The following FAM184B variants were observed in gnomAD, a reference collection of about 807,000 sequenced individuals.
FAM184B encodes protein FAM184B.
Under a neutral mutation model 135.9 loss-of-function variants are expected in FAM184B, and 111 were observed. The observed-to-expected ratio is 0.82, with a 90% CI of 0.70 to 0.96. FAM184B has a LOEUF of 0.96. Among genes scored for constraint, FAM184B ranks in the 40% least tolerant of loss-of-function variants. The probability of loss-of-function intolerance (pLI) is 0.00; values close to 1 mark genes in which losing one functional copy is unlikely to be tolerated. For synonymous variants in FAM184B, 552 were observed against 524.8 expected, an observed-to-expected ratio of 1.05 and a Z score of -0.71; for missense variants, 1,375 against 1,323.9, an observed-to-expected ratio of 1.04 and a Z score of -0.60.
rs117983584 is a variant in FAM184B, at chr4:17,779,855, A to C, written c.141+1304T>G. On this transcript the variant is annotated intron_variant, in intron 1 of 17. Coordinates refer to ENST00000265018, the MANE Select transcript of FAM184B (RefSeq NM_015688.2). Reference sequence around the variant, plus strand: ...AATCTTGTTTCTTTAAAACTATTTTAGATTCTTTGAAGATAGAGAAGATGC... The same window carrying C: ...AATCTTGTTTCTTTAAAACTATTTTCGATTCTTTGAAGATAGAGAAGATGC... Among the ~76,000 whole-genome samples, 183 of 152,368 alleles carry C rather than the reference A, an allele frequency of 1.2e-3. 7 individuals are homozygous for C. In the East Asian group the frequency reaches 0.03, roughly 25 times the overall value.
intron 1 of FAM184B, among the ~76,000 whole-genome samples, chr4:17,721,143 C>T (rs1051034968): frequency 2.0e-5 from 3 of 151,238 alleles, no homozygotes; most frequent in East Asian, 2.0e-4. Context: ...CCAGCACTTT[C>T]GGAGGCCGAG....
At chr4:17,708,067 C>A (rs918425765) in intron 2 of FAM184B, among the ~76,000 whole-genome samples, 2 of 152,134 alleles carry the variant, frequency 1.3e-5, no homozygotes, top group African/African-American at 4.8e-5. Context: ...TTTTGTGGGG[C>A]TCACATAACT....
chr4:17,761,985 C>G (rs971088683), intron 1 of FAM184B, among the ~76,000 whole-genome samples: 1 of 152,188 alleles, frequency 6.6e-6, no homozygotes, highest in Non-Finnish European at 1.5e-5. Flanking sequence ...CAGGCGCTCT[C>G]TCTTTTATGG....
chr4:17,709,186 C>T lies in FAM184B; in HGVS notation c.600G>A (p.Val200=), dbSNP rs1469439195. 6.5e-7 allele frequency: 1 copy of T among 1,548,266 alleles called. No individual in the cohort carries two copies. Among genetic ancestry groups the T allele is most frequent in the South Asian group, 1.2e-5 (1 of 83,984 alleles). Residue 200 remains valine (V), a synonymous_variant, in exon 2 of 18, where the codon GTG becomes GTA. Coordinates refer to ENST00000265018, the MANE Select transcript of FAM184B (RefSeq NM_015688.2). ...GPEMQEVLLE[V]QRLRVENQQL... ...GCTGGTTCTCCACTCGCAGCCGCTG[C>T]ACCTCTAGCAGGACCTCCTGCATCT...
intron 1 of FAM184B, among the ~76,000 whole-genome samples, chr4:17,715,669 T>C (rs1337520541): frequency 6.6e-6 from 1 of 152,128 alleles, no homozygotes; most frequent in African/African-American, 2.4e-5. Flanking sequence ...ATGATAAGCA[T>C]GTGGGGTAAT....
chr4:17,713,996 C>T (rs1474494164), intron 1 of FAM184B, among the ~76,000 whole-genome samples: 1 of 152,142 alleles, frequency 6.6e-6, no homozygotes, highest in African/African-American at 2.4e-5. Flanking sequence ...AGAAGACTTC[C>T]CAGAAAAAGT....
chr4:17,640,997 G>A (rs568262666), intron 13 of FAM184B, among the ~76,000 whole-genome samples: 77 of 152,172 alleles, frequency 5.1e-4, no homozygotes, highest in African/African-American at 1.8e-3. Context: ...GCAGTGGCCC[G>A]ATCTCAACTC....
Position 17,635,219 on chromosome 4 carries a change from G to T in FAM184B, c.2785-106C>A, listed in dbSNP as rs1440139439. On this transcript the variant is annotated intron_variant, in intron 15 of 17. Transcript: ENST00000265018. ...GCAGAATAGAGAAGGAAAGTCCAGG[G>T]GAGGAAGGGGAAGTCAGTGGGAATA... The T allele has an allele frequency of 3.6e-6, 3 of 836,554 alleles. No individual in the cohort carries two copies. In the African/African-American group the frequency reaches 5.2e-5, roughly 14 times the overall value. 51.8% of individuals were successfully genotyped at this position (836,554 alleles called of 1,614,324 possible).
chr4:17,659,925 G>A (rs1428271310), intron 9 of FAM184B, 33 bp downstream of exon 9: 2 of 1,547,686 alleles, frequency 1.3e-6, no homozygotes, highest in African/African-American at 2.7e-5. Flanking sequence ...AGGATCTCAG[G>A]AAGGGGGCAC....
intron 17 of FAM184B, chr4:17,633,482 T>G (rs1715025540): frequency 2.2e-6 from 1 of 463,968 alleles, no homozygotes; most frequent in East Asian, 3.6e-5. Flanking sequence ...AGACTGTAAT[T>G]TGAATTCAGA....
rs368180805 is a variant in FAM184B at position 17,684,138 on chromosome 4, T to TA, written c.1596+4285dup. Among the ~76,000 whole-genome samples, 420 of 119,296 alleles carry TA rather than the reference T, an allele frequency of 3.5e-3. 2 individuals carry two copies. The highest frequency in any genetic ancestry group is 6.6e-3 in the Non-Finnish European group (359 of 54,134). The allele number at this position is 119,296 out of a possible 152,430, so 78.3% of individuals were successfully genotyped here. A position where few individuals can be genotyped will look rare whatever the true frequency, so the allele number is the denominator to read the frequency against. ...AATAATTATATATAAAATAATTATA[T>TA]ATAAAATAATTATATAATAAAATAT... On this transcript the variant is annotated intron_variant, in intron 7 of 17. Transcript: ENST00000265018.
In FAM184B at chr4:17,633,840, G is replaced by C; in HGVS notation, c.2938C>G (p.Leu980Val). The C allele has an allele frequency of 6.4e-7, 1 of 1,551,368 alleles. No individual in the cohort carries two copies. The highest frequency in any genetic ancestry group is 8.7e-7 in the Non-Finnish European group (1 of 1,146,910). Residue 980 changes from leucine to valine, a missense_variant, in exon 17 of 18, where the codon CTC becomes GTC. Coordinates refer to ENST00000265018, the MANE Select transcript of FAM184B (RefSeq NM_015688.2). ...AGAAAGTTCTTTGCATAGGAGGCGA[G>C]GTTCGGCACGCTGACCACGCGGCTG... ...VPSRVVSVPN[L>V]ASYAKNFLSG...
At chr4:17,655,289 C>T (rs1255077149) in intron 10 of FAM184B, among the ~76,000 whole-genome samples, 1 of 152,168 alleles carries the variant, frequency 6.6e-6, no homozygotes, top group Non-Finnish European at 1.5e-5. Context: ...GAGGTTGAAG[C>T]CTGGCTTTGC....
intron 1 of FAM184B, among the ~76,000 whole-genome samples, chr4:17,720,098 T>C (rs1386068469): frequency 6.6e-6 from 1 of 152,194 alleles, no homozygotes; most frequent in Non-Finnish European, 1.5e-5. Flanking sequence ...TCTATTCTTT[T>C]GCAAAAATTT....
chr4:17,728,626 A>C (rs1717697075), intron 1 of FAM184B, among the ~76,000 whole-genome samples: 1 of 152,136 alleles, frequency 6.6e-6, no homozygotes, highest in South Asian at 2.1e-4. Flanking sequence ...AGTAGGAAGG[A>C]AGAGTGCTGC....
At chr4:17,701,452 A>T (rs1284129991) in intron 5 of FAM184B, among the ~76,000 whole-genome samples, 1 of 152,238 alleles carries the variant, frequency 6.6e-6, no homozygotes, top group East Asian at 1.9e-4. Context: ...TGAGGTCAGG[A>T]TCTGAATGCT....
chr4:17,708,714 C>CTGTCTG (rs1553838008), intron 2 of FAM184B, among the ~76,000 whole-genome samples, 178 bp downstream of exon 2: 1 of 57,056 alleles, frequency 1.8e-5, no homozygotes, highest in Non-Finnish European at 3.1e-5. Flanking sequence ...TATATAGTGT[C>CTGTCTG]TGTGTGTGTG....
chr4:17,751,829 A>G (rs927401092), intron 1 of FAM184B, among the ~76,000 whole-genome samples: 3 of 138,668 alleles, frequency 2.2e-5, no homozygotes, highest in South Asian at 4.7e-4. Context: ...CAAGGCACAC[A>G]CACACACACA....
At chr4:17,717,281 T>G (rs1717417128) in intron 1 of FAM184B, among the ~76,000 whole-genome samples, 1 of 152,152 alleles carries the variant, frequency 6.6e-6, no homozygotes, top group Admixed American at 6.5e-5. Flanking sequence ...CTTCCTTCCC[T>G]CCTCTCTCAC....
Sources: gnomAD v4.1 joint callset for allele counts (sites outside exome capture counted in the v4.1 genomes callset) on GRCh38, gnomAD v4.1.1 for gene constraint, MANE v1.5 for transcripts, NCBI Gene and HGNC (gene_info 2026-07-23, HGNC 2026-07-21) for gene names.